ITPR2: variants seen among roughly 807,000 people sequenced by gnomAD.
ITPR2 encodes the protein inositol 1,4,5-trisphosphate receptor type 2.
Under a neutral mutation model 317.1 loss-of-function variants are expected in ITPR2, and 207 were observed. The ratio of observed to expected loss-of-function variants is 0.65; its 90% confidence interval spans 0.58 to 0.73. The LOEUF (loss-of-function observed/expected upper bound fraction) is 0.73. ITPR2 is among the 30% of genes least tolerant of loss of function. The pLI is 0.00. For missense variants in ITPR2, 2,613 were observed against 3,284.0 expected, an observed-to-expected ratio of 0.80 and a Z score of 4.99; for synonymous variants, 1,156 against 1,149.1, an observed-to-expected ratio of 1.01 and a Z score of -0.12.
intron 13 of ITPR2, among the ~76,000 whole-genome samples, chr12:26,672,459 A>G (rs1947801330): frequency 1.3e-5 from 2 of 152,144 alleles, no homozygotes; most frequent in South Asian, 4.1e-4. Context: ...TACTGGGTAC[A>G]TAACGAAATG....
chr12:26,660,289 G>C (rs1433989934), intron 15 of ITPR2, among the ~76,000 whole-genome samples: 1 of 152,182 alleles, frequency 6.6e-6, no homozygotes, highest in Non-Finnish European at 1.5e-5. Context: ...GAAAGCCACT[G>C]GGGAGGTTCA....
At position 26,437,877 on chromosome 12, in the gene ITPR2, C is replaced by A. The variant is rs371901647; in HGVS notation, c.6643+1250G>T. ...AGTGCAGTGTTGCAACCTCGGCTCA[C>A]TGCAACCTCTGCCTCCTGGGTTCAA... On this transcript the variant is annotated intron_variant, in intron 47 of 56. Coordinates refer to ENST00000381340, the MANE Select transcript of ITPR2 (RefSeq NM_002223.4). Among the ~76,000 whole-genome samples the A allele has an allele frequency of 5.3e-5, 8 of 152,302 alleles. No individual in the cohort carries two copies. In the East Asian group the frequency reaches 1.3e-3, roughly 26 times the overall value.
At chr12:26,693,677 A>G (rs1391387728) in intron 10 of ITPR2, among the ~76,000 whole-genome samples, 1 of 152,158 alleles carries the variant, frequency 6.6e-6, no homozygotes, top group East Asian at 1.9e-4. Flanking sequence ...GTTTGAATAC[A>G]CAGATGCAAA....
chr12:26,467,731 A>T (rs1435422150), intron 45 of ITPR2, among the ~76,000 whole-genome samples: 2 of 152,158 alleles, frequency 1.3e-5, no homozygotes, highest in South Asian at 4.1e-4. Flanking sequence ...TTTATATCAA[A>T]CTAATAATTA....
intron 32 of ITPR2, among the ~76,000 whole-genome samples, chr12:26,593,945 C>T (rs985693845): frequency 6.6e-6 from 1 of 152,180 alleles, no homozygotes; most frequent in Non-Finnish European, 1.5e-5. Flanking sequence ...TATCTTTAGT[C>T]AGTAGCACTG....
intron 1 of ITPR2, among the ~76,000 whole-genome samples, chr12:26,811,515 G>A (rs1357663245): frequency 6.6e-6 from 1 of 151,650 alleles, no homozygotes; most frequent in African/African-American, 2.4e-5. Context: ...GGAGGCCGAG[G>A]CGGGCGGATC....
At chr12:26,704,584 G>C (rs940645964) in intron 9 of ITPR2, among the ~76,000 whole-genome samples, 3 of 146,996 alleles carry the variant, frequency 2.0e-5, no homozygotes, top group Admixed American at 6.9e-5. Flanking sequence ...ACTTATCTAA[G>C]ACATGCTAGT....
chr12:26,555,128 C>T (rs1357464722), intron 36 of ITPR2, among the ~76,000 whole-genome samples: 1 of 152,138 alleles, frequency 6.6e-6, no homozygotes, highest in Non-Finnish European at 1.5e-5. Flanking sequence ...TATAAAAACC[C>T]CACCTATTCT....
At chr12:26,821,386 C>T (rs1179204367) in intron 1 of ITPR2, among the ~76,000 whole-genome samples, 1 of 152,148 alleles carries the variant, frequency 6.6e-6, no homozygotes, top group Admixed American at 6.5e-5. Flanking sequence ...ATTCCATCAC[C>T]TCATAATCTG....
chr12:26,691,438 T>C (rs1016040835), intron 10 of ITPR2, among the ~76,000 whole-genome samples: 1 of 152,104 alleles, frequency 6.6e-6, no homozygotes, highest in Non-Finnish European at 1.5e-5. Flanking sequence ...GGTATTAAAT[T>C]TAACCTCAGC....
At chr12:26,502,004 A>T (rs1052855077) in intron 37 of ITPR2, among the ~76,000 whole-genome samples, 1 of 152,062 alleles carries the variant, frequency 6.6e-6, no homozygotes, top group Admixed American at 6.6e-5. Context: ...TTCAATAACC[A>T]CTCTGAGTTT....
intron 35 of ITPR2, among the ~76,000 whole-genome samples, chr12:26,559,548 T>TCA (rs1944757480): frequency 2.9e-5 from 2 of 69,714 alleles, no homozygotes; most frequent in African/African-American, 7.8e-5. Flanking sequence ...AGACATCACC[T>TCA]CCTAATACTA....
chr12:26,413,523 T>A (rs1940619811), intron 51 of ITPR2, among the ~76,000 whole-genome samples: 1 of 152,198 alleles, frequency 6.6e-6, no homozygotes, highest in South Asian at 2.1e-4. Context: ...ATAGAGACAA[T>A]ATGCGGCATT....
chr12:26,813,431 A>T (rs984518428), intron 1 of ITPR2, among the ~76,000 whole-genome samples: 1 of 152,224 alleles, frequency 6.6e-6, no homozygotes, highest in Non-Finnish European at 1.5e-5. Flanking sequence ...TTACTGTGAG[A>T]AATATTCATA....
At chr12:26,723,889 C>A (rs1038141129) in intron 4 of ITPR2, among the ~76,000 whole-genome samples, 1 of 152,122 alleles carries the variant, frequency 6.6e-6, no homozygotes, top group Admixed American at 6.5e-5. Flanking sequence ...CTCTGTGCTG[C>A]GGATCTCCTA....
rs1219562797 is a variant in ITPR2 at position 26,659,242 on chromosome 12, C to T, written c.1757G>A (p.Gly586Asp). ...AGTATCTTCTGCCAAAATATCATAG[C>T]CAATCTGGGACTGCATGACACAGAA... is the stretch of plus-strand genomic sequence containing the variant. ...KNFCVMQSQI[G>D]YDILAEDTIT... The change falls in exon 16 of 57, where the codon GGC (glycine) becomes GAC (aspartate). Residue 586 changes from glycine (G) to aspartate (D), a missense_variant. This residue lies in a region of ITPR2 where 515 missense variants were observed against 789.4 expected (regional missense o/e 0.65). Coordinates refer to ENST00000381340, the MANE Select transcript of ITPR2 (RefSeq NM_002223.4). 2 of 1,613,634 alleles carry T rather than the reference C, an allele frequency of 1.2e-6. No homozygotes were observed. Among genetic ancestry groups the T allele is most frequent in the East Asian group, 2.2e-5 (1 of 44,824 alleles).
At chr12:26,490,721 G>A (rs369834801) in intron 39 of ITPR2, among the ~76,000 whole-genome samples, 2 of 152,356 alleles carry the variant, frequency 1.3e-5, no homozygotes, top group South Asian at 4.1e-4. Flanking sequence ...GCTGAAGCAG[G>A]AGAATCACTT....
chr12:26,556,372 C>G lies in ITPR2; in HGVS notation c.4825G>C (p.Val1609Leu). ...AACTGGTGCTCCAAGGAGGCCACTACATCCTAGGGAATGAAACACAAGAGA... is the reference window on the plus strand; with the variant it reads ...AACTGGTGCTCCAAGGAGGCCACTAGATCCTAGGGAATGAAACACAAGAGA... ...YRNIIEKLQD[V>L]VASLEHQFSP... The change falls in exon 36 of 57, where the codon GTA becomes CTA. Residue 1609 changes from valine (V) to leucine (L), a missense_variant. This residue lies in a region of ITPR2 where 926 missense variants were observed against 1,072.8 expected (regional missense o/e 0.86). Coordinates refer to ENST00000381340, the MANE Select transcript of ITPR2 (RefSeq NM_002223.4). 5 of 1,609,860 alleles carry G rather than the reference C, an allele frequency of 3.1e-6. No homozygotes were observed. The highest frequency in any genetic ancestry group is 4.2e-6 in the Non-Finnish European group (5 of 1,178,876).
At chr12:26,807,205 A>ATG (rs1950654087) in intron 1 of ITPR2, among the ~76,000 whole-genome samples, 1 of 143,998 alleles carries the variant, frequency 6.9e-6, no homozygotes, top group Non-Finnish European at 1.6e-5. Flanking sequence ...AACAAAAAAG[A>ATG]AGATATATAT....
Sources: gnomAD v4.1 joint callset for allele counts (sites outside exome capture counted in the v4.1 genomes callset) on GRCh38, gnomAD v4.1.1 for gene constraint, gnomAD v4.1.1 regional missense constraint, MANE v1.5 for transcripts, NCBI Gene and HGNC (gene_info 2026-07-23, HGNC 2026-07-21) for gene names.